The following BAHCC1 variants were observed in gnomAD, a reference collection of about 807,000 sequenced individuals.
BAHCC1 encodes the protein BAH domain and coiled-coil containing 1.
BAHCC1 carries 43 observed loss-of-function variants against 88.2 expected under a neutral mutation model. The observed-to-expected ratio is 0.49, with a 90% CI of 0.38 to 0.63. The LOEUF is 0.63. Ranked by LOEUF, BAHCC1 falls within the 20% of genes least tolerant of loss-of-function variation. The probability of loss-of-function intolerance (pLI) is 0.00; values close to 1 mark genes in which losing one functional copy is unlikely to be tolerated. For missense variants in BAHCC1, 3,023 were observed against 1,654.8 expected, an observed-to-expected ratio of 1.83 and a Z score of -14.34; for synonymous variants, 1,510 against 745.5, an observed-to-expected ratio of 2.03 and a Z score of -16.71.
rs1598482827 is a variant in BAHCC1, at chr17:81,438,459, T to C, written c.448T>C (p.Tyr150His). ...TCACCATGGAAACAGCAACGTTCTC[T>C]ATGGGCAGCACCGTTTCTATGGAAC... ...LDHHGNSNVL[Y>H]GQHRFYGTQK... The change falls in exon 4 of 28, where the codon TAT becomes CAT. Residue 150 changes from tyrosine (Y) to histidine (H), a missense_variant. By Grantham distance (83) the Tyr-to-His change is moderately conservative. Transcript: ENST00000675386. 1 of 775,616 alleles carries C rather than the reference T, an allele frequency of 1.3e-6. No homozygotes were observed. The highest frequency in any genetic ancestry group is 2.4e-6 in the Non-Finnish European group (1 of 416,118). 48.0% of individuals were successfully genotyped at this position (775,616 alleles called of 1,614,324 possible).
Position 81,464,039 on chromosome 17 carries a change from G to A in BAHCC1, c.*222G>A, listed in dbSNP as rs527848753. ...CCCGTCCCATCCTCTGCGGAGGGTCGGGCTGTGGCCCTCATGGGTCCCCGG... is the reference window on the plus strand; with the variant it reads ...CCCGTCCCATCCTCTGCGGAGGGTCAGGCTGTGGCCCTCATGGGTCCCCGG... On this transcript the variant is annotated 3_prime_UTR_variant, in exon 28 of 28. Coordinates refer to ENST00000675386, the MANE Select transcript of BAHCC1 (RefSeq NM_001377448.1). The A allele has an allele frequency of 2.4e-5, 14 of 584,096 alleles. No homozygotes were observed. Among genetic ancestry groups the A allele is most frequent in the South Asian group, 6.0e-5 (3 of 49,742 alleles). 36.2% of individuals were successfully genotyped at this position (584,096 alleles called of 1,614,324 possible).
chr17:81,456,390 A>C lies in BAHCC1; in HGVS notation c.4663A>C (p.Lys1555Gln). The change falls in exon 16 of 28, where the codon AAA becomes CAA. Residue 1555 changes from lysine to glutamine, a missense_variant. Transcript: ENST00000675386. ...VAQLKPKVKS[K>Q]GLPTGLSSFQ... is the part of the protein sequence containing the mutation. ...CCAGCTGAAACCCAAGGTCAAGAGC[A>C]AAGGGCTGCCCACAGGCCTCAGCTC... The C allele has an allele frequency of 1.4e-6, 1 of 723,560 alleles. No homozygotes were observed. Among genetic ancestry groups the C allele is most frequent in the Non-Finnish European group, 2.6e-6 (1 of 388,688 alleles). 44.8% of individuals were successfully genotyped at this position (723,560 alleles called of 1,614,324 possible). A position where few individuals can be genotyped will look rare whatever the true frequency, so the allele number is the denominator to read the frequency against.
chr17:81,407,768 A>C (rs1002801572), intron 2 of BAHCC1, among the ~76,000 whole-genome samples: 1 of 152,212 alleles, frequency 6.6e-6, no homozygotes, highest in Non-Finnish European at 1.5e-5. Context: ...GACCAAGCTC[A>C]CAGCTGCTCA....
intron 2 of BAHCC1, among the ~76,000 whole-genome samples, chr17:81,417,734 T>C (rs2064053606): frequency 6.6e-6 from 1 of 152,172 alleles, no homozygotes; most frequent in South Asian, 2.1e-4. Context: ...CCACAGAGTT[T>C]TCCTATTAAG....
At chr17:81,423,955 C>T (rs978508925) in intron 2 of BAHCC1, among the ~76,000 whole-genome samples, 1 of 152,218 alleles carries the variant, frequency 6.6e-6, no homozygotes, top group Non-Finnish European at 1.5e-5. Context: ...CTGGCGGTGC[C>T]CAGGAAGGAG....
intron 2 of BAHCC1, among the ~76,000 whole-genome samples, chr17:81,415,103 G>T (rs544720040): frequency 6.6e-6 from 1 of 152,228 alleles, no homozygotes. Context: ...GATGCTGCGC[G>T]GGGGGCTGGG....
rs2063949299 is a variant in BAHCC1 at position 81,411,447 on chromosome 17, G to A, written c.178+11530G>A. 5 of 368,208 alleles carry A rather than the reference G, an allele frequency of 1.4e-5. No individual in the cohort carries two copies. The highest frequency in any genetic ancestry group is 7.8e-5 in the South Asian group (4 of 51,096). The allele number at this position is 368,208 out of a possible 1,614,324, so 22.8% of individuals were successfully genotyped here. A position where few individuals can be genotyped will look rare whatever the true frequency, so the allele number is the denominator to read the frequency against. ...GAGGGTGGGGTTGGGGGGGAACAGG[G>A]TCCTTGAGGTCGTCAGCCAGCCCCA... On this transcript the variant is annotated intron_variant, in intron 2 of 27. Coordinates refer to ENST00000675386, the MANE Select transcript of BAHCC1 (RefSeq NM_001377448.1). This position sits in a 1 kb window ranked among gnomAD's most constrained non-coding sequence, Gnocchi z 6.2.
At chr17:81,440,722 A>G (rs1216798827) in intron 4 of BAHCC1, among the ~76,000 whole-genome samples, 2 of 152,170 alleles carry the variant, frequency 1.3e-5, no homozygotes, top group Non-Finnish European at 2.9e-5. Context: ...CCGAGGGCCC[A>G]GGCTGGGCAA....
intron 2 of BAHCC1, among the ~76,000 whole-genome samples, chr17:81,422,674 G>A (rs2064129193): frequency 1.3e-5 from 2 of 152,224 alleles, no homozygotes; most frequent in Admixed American, 1.3e-4. Context: ...TGGGACACCG[G>A]GGAGTGTCCT....
chr17:81,397,995 G>T (rs1555645201), intron 1 of BAHCC1, among the ~76,000 whole-genome samples: 1 of 152,168 alleles, frequency 6.6e-6, no homozygotes, highest in East Asian at 1.9e-4. Context: ...AGACGTTTTA[G>T]AACCCGGACC....
intron 2 of BAHCC1, among the ~76,000 whole-genome samples, chr17:81,418,750 G>A (rs1238693477): frequency 7.7e-6 from 1 of 130,394 alleles, no homozygotes; most frequent in Non-Finnish European, 1.7e-5. Flanking sequence ...CACACCCACA[G>A]ACGTGTGTGT....
intron 2 of BAHCC1, among the ~76,000 whole-genome samples, chr17:81,406,411 C>T (rs888333042): frequency 3.3e-5 from 5 of 152,208 alleles, no homozygotes; most frequent in African/African-American, 4.8e-5. Context: ...CCCTGGGGTT[C>T]CCCGGTCCCC....
chr17:81,407,245 C>T (rs2063892075), intron 2 of BAHCC1: 1 of 479,196 alleles, frequency 2.1e-6, no homozygotes, highest in Non-Finnish European at 4.2e-6. Flanking sequence ...CTCTGAGCAG[C>T]AGGCTGGGCT....
intron 3 of BAHCC1, among the ~76,000 whole-genome samples, chr17:81,433,039 C>T (rs1221272921): frequency 4.0e-5 from 6 of 150,380 alleles, no homozygotes; most frequent in Non-Finnish European, 7.4e-5. Context: ...TCTTAGCTAC[C>T]TTGCTCAGCC....
chr17:81,433,260 G>A (rs2064290482), intron 3 of BAHCC1, among the ~76,000 whole-genome samples: 1 of 152,156 alleles, frequency 6.6e-6, no homozygotes, highest in South Asian at 2.1e-4. Flanking sequence ...TTGAAACACA[G>A]CCTGGACACC....
chr17:81,432,619 TGGA>T (rs2064277074), intron 3 of BAHCC1, among the ~76,000 whole-genome samples: 3 of 51,190 alleles, frequency 5.9e-5, no homozygotes, highest in Non-Finnish European at 1.2e-4. Context: ...TCCCCAGCCC[TGGA>T]CCCACCCTCC....
Position 81,442,006 on chromosome 17 carries a change from C to T in BAHCC1, c.657C>T (p.Leu219=), listed in dbSNP as rs782116373. 26 of 740,346 alleles carry T rather than the reference C, an allele frequency of 3.5e-5. No individual in the cohort carries two copies. Among genetic ancestry groups the T allele is most frequent in the South Asian group, 8.4e-5 (6 of 71,604 alleles). The allele number at this position is 740,346 out of a possible 1,614,324, so 45.9% of individuals were successfully genotyped here. Reference sequence around the variant, plus strand: ...GCCCCAAGGACTTCGACCGCTTCCTCGTGGGCAAAGAGCTGGGCAGAGAGA... The same window carrying T: ...GCCCCAAGGACTTCGACCGCTTCCTTGTGGGCAAAGAGCTGGGCAGAGAGA... ...QKGPKDFDRF[L]VGKELGREKA... is the part of the protein sequence containing the mutation. Residue 219 remains leucine, a synonymous_variant, in exon 5 of 28, where the codon CTC becomes CTT. Transcript: ENST00000675386.
At chr17:81,428,194 G>T (rs2064222340) in intron 3 of BAHCC1, among the ~76,000 whole-genome samples, 2 of 152,184 alleles carry the variant, frequency 1.3e-5, no homozygotes, top group African/African-American at 4.8e-5. Flanking sequence ...GCCTCCTGGA[G>T]GGGAGACCAG....
intron 3 of BAHCC1, among the ~76,000 whole-genome samples, chr17:81,430,251 A>C (rs967794574): frequency 4.0e-5 from 6 of 151,840 alleles, no homozygotes; most frequent in African/African-American, 1.5e-4. Context: ...AGGACCACCC[A>C]CAGGGCCAAT....
Sources: gnomAD v4.1 joint callset for allele counts (sites outside exome capture counted in the v4.1 genomes callset) on GRCh38, gnomAD v4.1.1 for gene constraint, Gnocchi (gnomAD v3.1) non-coding constraint, MANE v1.5 for transcripts, NCBI Gene and HGNC (gene_info 2026-07-23, HGNC 2026-07-21) for gene names.